PNLDC1: variants seen among roughly 807,000 people sequenced by gnomAD.
PNLDC1 encodes poly(A)-specific ribonuclease PNLDC1.
A neutral mutation model predicts 82.0 loss-of-function variants in PNLDC1; 70 were observed. The ratio of observed to expected loss-of-function variants is 0.85; its 90% CI spans 0.70 to 1.04. The LOEUF (loss-of-function observed/expected upper bound fraction) is 1.04, where lower values mean the gene tolerates loss of function less well. Among genes scored for constraint, PNLDC1 ranks in the 50% least tolerant of loss-of-function variants. PNLDC1 has a pLI of 0.00. For missense variants in PNLDC1, 631 were observed against 661.1 expected (o/e 0.95, Z 0.50); for synonymous variants, 280 against 249.3 (o/e 1.12, Z -1.16).
chr6:159,800,567 C>G, intron 1 of PNLDC1, 184 bp downstream of exon 1: 1 of 1,420,510 alleles, frequency 7.0e-7, no homozygotes, highest in Non-Finnish European at 9.6e-7. Flanking sequence ...ACTCCGAGCC[C>G]CACGTCCCTT....
intron 16 of PNLDC1, 126 bp from the exon 17 acceptor site, chr6:159,818,820 C>A: frequency 1.6e-6 from 2 of 1,247,194 alleles, no homozygotes; most frequent in Non-Finnish European, 2.2e-6. Flanking sequence ...AACATGGACT[C>A]ATCCTTCCTT....
chr6:159,807,332 G>A (rs1781484638), intron 7 of PNLDC1, among the ~76,000 whole-genome samples: 1 of 152,088 alleles, frequency 6.6e-6, no homozygotes, highest in African/African-American at 2.4e-5. Context: ...GGGAGGCCAA[G>A]GCAATGAGCT....
intron 12 of PNLDC1, among the ~76,000 whole-genome samples, chr6:159,815,662 G>T (rs576000950): frequency 1.3e-5 from 2 of 152,062 alleles, no homozygotes; most frequent in Non-Finnish European, 2.9e-5. Context: ...CTCCGTAGTC[G>T]CTAGACAGGC....
At chr6:159,816,998 C>A in intron 14 of PNLDC1, 111 bp from the exon 15 acceptor site, 1 of 1,139,686 alleles carries the variant, frequency 8.8e-7, no homozygotes, top group Non-Finnish European at 1.3e-6. Context: ...TATGCCCCTG[C>A]CGTCCCTAGA....
At chr6:159,803,249 C>T in intron 3 of PNLDC1, 22 bp from the exon 4 acceptor site, 7 of 1,612,948 alleles carry the variant, frequency 4.3e-6, no homozygotes, top group Non-Finnish European at 5.9e-6. Context: ...GGCATTCATT[C>T]CCTCTACGGT....
chr6:159,817,179 G>A (rs757084704), intron 15 of PNLDC1, 28 bp downstream of exon 15: 11 of 1,594,940 alleles, frequency 6.9e-6, no homozygotes, highest in Non-Finnish European at 7.7e-6. Flanking sequence ...TCATCCTACT[G>A]TTCAATCGGT....
intron 7 of PNLDC1, among the ~76,000 whole-genome samples, chr6:159,807,674 G>A (rs1430096737): frequency 6.6e-6 from 1 of 152,142 alleles, no homozygotes. Flanking sequence ...TTACTATTGT[G>A]CGCTATCTTA....
chr6:159,800,434 G>A, intron 1 of PNLDC1, 51 bp downstream of exon 1: 1 of 1,524,720 alleles, frequency 6.6e-7, no homozygotes, highest in Non-Finnish European at 8.9e-7. Context: ...CTTGCCCCGG[G>A]CGAGCTTGAG....
rs1219103864 is a variant in PNLDC1, at chr6:159,809,085, G to A, written c.710G>A (p.Cys237Tyr). 2 of 1,614,128 alleles carry A rather than the reference G, an allele frequency of 1.2e-6. No individual in the cohort carries two copies. Among genetic ancestry groups the A allele is most frequent in the Non-Finnish European group, 8.5e-7 (1 of 1,180,028 alleles). Residue 237 changes from cysteine to tyrosine, a missense_variant, in exon 9 of 19, where the codon TGT becomes TAT. Transcript: ENST00000392167. ...AACACCTCTTGTGACCGAGAGAGCT[G>A]TTGGAAGGAAAATATTCTTCTCTCA... Reference protein sequence around the residue: ...LQNTSCDRESCWKENILLSAR... With the variant: ...LQNTSCDRESYWKENILLSAR...
chr6:159,802,239 A>AT (rs1781286943), intron 3 of PNLDC1, among the ~76,000 whole-genome samples: 2 of 152,086 alleles, frequency 1.3e-5, no homozygotes, highest in African/African-American at 4.8e-5. Flanking sequence ...ATGTTATTGT[A>AT]TTTACAGAAA....
At position 159,809,148 on chromosome 6, in the gene PNLDC1, A is replaced by C. The variant is rs745696350; in HGVS notation, c.773A>C (p.Lys258Thr). 1.9e-6 allele frequency: 3 copies of C among 1,613,898 alleles called. No homozygotes were observed. The highest frequency in any genetic ancestry group is 2.5e-6 in the Non-Finnish European group (3 of 1,179,976). The part of the protein sequence containing the change: ...GFSVFFQMLV[K>T]AQKPLVGHNM... ...TCTGTCTTTTTCCAAATGCTGGTGA[A>C]AGCCCAGAAGGTAGGAAAACATGTC... The change falls in exon 9 of 19, where the codon AAA (lysine) becomes ACA (threonine). Residue 258 changes from lysine (K) to threonine (T), a missense_variant. Lys to Thr is a moderately conservative substitution (Grantham distance 78). Coordinates refer to ENST00000392167, the MANE Select transcript of PNLDC1 (RefSeq NM_001271862.2).
rs1056620714 is a variant in PNLDC1, at chr6:159,800,322, C to T, written c.15C>T (p.Ala5=). 2 of 1,547,788 alleles carry T rather than the reference C, an allele frequency of 1.3e-6. No individual in the cohort carries two copies. Among genetic ancestry groups the T allele is most frequent in the African/African-American group, 1.4e-5 (1 of 73,084 alleles). The change falls in exon 1 of 19, where the codon GCC becomes GCT. Residue 5 remains alanine (A), a synonymous_variant. Transcript: ENST00000392167. The part of the protein sequence containing the change: MDVG[A]DEFEESLPLL... ...GCTGCACGGCCATGGACGTGGGCGC[C>T]GACGAGTTCGAGGAGAGCCTCCCTC...
intron 5 of PNLDC1, 98 bp downstream of exon 5, chr6:159,804,186 C>T (rs528941667): frequency 5.3e-5 from 74 of 1,402,038 alleles, no homozygotes; most frequent in South Asian, 2.8e-4. Context: ...GTGCAATCTT[C>T]GCCTCCCGGG....
chr6:159,802,941 C>G (rs770005158), intron 3 of PNLDC1, among the ~76,000 whole-genome samples: 1 of 151,800 alleles, frequency 6.6e-6, no homozygotes, highest in Non-Finnish European at 1.5e-5. Flanking sequence ...GAGGAATAGA[C>G]ATTTTAAATG....
chr6:159,814,864 A>G (rs1781762644), intron 12 of PNLDC1, among the ~76,000 whole-genome samples: 1 of 152,202 alleles, frequency 6.6e-6, no homozygotes. Context: ...AGGACTTAGA[A>G]CAGCCCCTTG....
At chr6:159,818,435 A>C in intron 15 of PNLDC1, 120 bp from the exon 16 acceptor site, 1 of 836,888 alleles carries the variant, frequency 1.2e-6, no homozygotes, top group South Asian at 1.5e-5. Context: ...TGAGGGCAGG[A>C]GGGAGGGAGA....
chr6:159,808,878 A>T (rs1042540463), intron 8 of PNLDC1, 62 bp downstream of exon 8: 4 of 1,598,918 alleles, frequency 2.5e-6, no homozygotes, highest in African/African-American at 2.7e-5. Context: ...TAATTGGCCA[A>T]ATCTGGCCTC....
rs1354588168 is a variant in PNLDC1 at position 159,819,889 on chromosome 6, G to T, written c.1532+537G>T. Among the ~76,000 whole-genome samples, 2 of 152,254 alleles carry T rather than the reference G, an allele frequency of 1.3e-5. No homozygotes were observed. Among genetic ancestry groups the T allele is most frequent in the African/African-American group, 4.8e-5 (2 of 41,560 alleles). On this transcript the variant is annotated intron_variant, in intron 18 of 18. Coordinates refer to ENST00000392167, the MANE Select transcript of PNLDC1 (RefSeq NM_001271862.2). The surrounding 1 kb of genome is among the most constrained non-coding windows in gnomAD (Gnocchi z 4.6). ...AGGAACCAGTGCCCCCCAGCTGGGG[G>T]CCACCCAGGGAGGACGTGGGCTTCT... is the stretch of plus-strand genomic sequence containing the variant.
rs201926720 is a variant in PNLDC1, at chr6:159,820,437, G to C, written c.1533-17G>C. 1.7e-5 allele frequency: 28 copies of C among 1,613,786 alleles called. No individual in the cohort carries two copies. The highest frequency in any genetic ancestry group is 3.3e-5 in the Admixed American group (2 of 60,004). ...TGCTGGGTGCCCCGGCCACTGACAC[G>C]TGTCATTGTCTTGCAGAGTCTGTGG... On this transcript the variant is annotated splice_polypyrimidine_tract_variant and intron_variant, in intron 18 of 18. Transcript: ENST00000392167.
Sources: gnomAD v4.1 joint callset for allele counts (sites outside exome capture counted in the v4.1 genomes callset) on GRCh38, gnomAD v4.1.1 for gene constraint, Gnocchi (gnomAD v3.1) non-coding constraint, MANE v1.5 for transcripts, NCBI Gene and HGNC (gene_info 2026-07-23, HGNC 2026-07-21) for gene names.